Variants in EYS observed in about 807,000 individuals in gnomAD.
EYS encodes EGF-like photoreceptor maintenance factor, also known as protein eyes shut homolog.
A neutral mutation model predicts 282.1 loss-of-function variants in EYS; 250 were observed. The ratio of observed to expected loss-of-function variants is 0.89; its 90% CI spans 0.80 to 0.98. EYS has a LOEUF of 0.98. Among genes scored for constraint, EYS ranks in the 50% least tolerant of loss-of-function variants. The probability of loss-of-function intolerance (pLI) is 0.00; values close to 1 mark genes in which losing one functional copy is unlikely to be tolerated. For missense variants in EYS, 4,016 were observed against 3,709.0 expected, an observed-to-expected ratio of 1.08 and a Z score of -2.15; for synonymous variants, 1,355 against 1,282.9, an observed-to-expected ratio of 1.06 and a Z score of -1.20.
chr6:65,346,237 G>C (rs555131187), intron 9 of EYS, among the ~76,000 whole-genome samples: 1 of 151,512 alleles, frequency 6.6e-6, no homozygotes, highest in African/African-American at 2.4e-5. Flanking sequence ...GTTCCTCTCC[G>C]TTAAATATGA....
intron 2 of EYS, among the ~76,000 whole-genome samples, chr6:65,558,097 A>T (rs1486009436): frequency 6.6e-6 from 1 of 152,128 alleles, no homozygotes; most frequent in Non-Finnish European, 1.5e-5. Context: ...TCTTGCTTGA[A>T]GGTGGGGTTT....
intron 1 of EYS, among the ~76,000 whole-genome samples, chr6:65,704,599 A>C (rs1267768395): frequency 2.6e-5 from 4 of 152,214 alleles, no homozygotes; most frequent in Non-Finnish European, 5.9e-5. Flanking sequence ...TACATTTATA[A>C]CTTAATATTC....
intron 18 of EYS, among the ~76,000 whole-genome samples, chr6:64,887,649 C>T (rs962683499): frequency 6.6e-6 from 1 of 151,994 alleles, no homozygotes; most frequent in African/African-American, 2.4e-5. Flanking sequence ...TTTATAACCA[C>T]AGAAGTCTAA....
intron 26 of EYS, among the ~76,000 whole-genome samples, chr6:64,443,143 T>C (rs184288410): frequency 8.3e-4 from 126 of 152,314 alleles, no homozygotes; most frequent in African/African-American, 2.9e-3. Flanking sequence ...ACTTCTTGCA[T>C]CAGTGTGACT....
intron 33 of EYS, among the ~76,000 whole-genome samples, chr6:64,027,616 G>A (rs1769593206): frequency 6.6e-6 from 1 of 152,168 alleles, no homozygotes; most frequent in African/African-American, 2.4e-5. Flanking sequence ...GACAGAAAAT[G>A]GAGCAGGCCA....
At chr6:65,178,429 C>A (rs1168217639) in intron 12 of EYS, among the ~76,000 whole-genome samples, 2 of 151,812 alleles carry the variant, frequency 1.3e-5, no homozygotes, top group African/African-American at 4.8e-5. Context: ...GGGGTGGAGA[C>A]AAGATGGACG....
rs1562132488 is a variant in EYS at position 63,984,491 on chromosome 6, T to C, written c.6947A>G (p.Asn2316Ser). 1.3e-6 allele frequency: 2 copies of C among 1,549,748 alleles called. No individual in the cohort carries two copies. Among genetic ancestry groups the C allele is most frequent in the Non-Finnish European group, 1.7e-6 (2 of 1,145,534 alleles). The stretch of plus-strand genomic sequence containing the variant: ...TTCATCGATGATGAAGAATTCTTTG[T>C]TGTTTACTTGAAGGTCTAGAATGCA... ...RGCILDLQVN[N>S]KEFFIIDEAR... Residue 2316 changes from asparagine to serine, a missense_variant, in exon 35 of 43, where the codon AAC becomes AGC. Transcript: ENST00000503581.
chr6:64,316,493 A>G (rs890113930), intron 29 of EYS, among the ~76,000 whole-genome samples: 3 of 152,140 alleles, frequency 2.0e-5, no homozygotes, highest in African/African-American at 7.2e-5. Context: ...ATACCTAGGA[A>G]TACAACTTAC....
At chr6:65,499,025 A>G (rs1389531478) in intron 2 of EYS, among the ~76,000 whole-genome samples, 2 of 152,038 alleles carry the variant, frequency 1.3e-5, no homozygotes, top group Non-Finnish European at 2.9e-5. Context: ...AGCATTTCAC[A>G]TAATTACAAC....
chr6:64,163,257 T>G (rs1440462005), intron 31 of EYS, among the ~76,000 whole-genome samples: 1 of 152,118 alleles, frequency 6.6e-6, no homozygotes, highest in Non-Finnish European at 1.5e-5. Flanking sequence ...ATAATATTAT[T>G]TTTTCTTCTA....
At chr6:65,643,524 T>C (rs1457245190) in intron 1 of EYS, among the ~76,000 whole-genome samples, 1 of 152,140 alleles carries the variant, frequency 6.6e-6, no homozygotes, top group Non-Finnish European at 1.5e-5. Flanking sequence ...GAAACCTGAA[T>C]ACTTAACCAG....
intron 12 of EYS, among the ~76,000 whole-genome samples, chr6:65,104,406 C>T (rs1774975747): frequency 2.6e-5 from 4 of 151,408 alleles, no homozygotes; most frequent in Non-Finnish European, 5.9e-5. Flanking sequence ...AACTTCATTG[C>T]AAACCTCATA....
At chr6:63,990,913 G>A (rs1279538246) in intron 34 of EYS, among the ~76,000 whole-genome samples, 3 of 151,630 alleles carry the variant, frequency 2.0e-5, no homozygotes, top group Non-Finnish European at 4.4e-5. Flanking sequence ...GAGGGAGTGG[G>A]TGAAAGAGTG....
chr6:64,998,019 C>T (rs1366387664), intron 13 of EYS, among the ~76,000 whole-genome samples: 1 of 152,054 alleles, frequency 6.6e-6, no homozygotes, highest in Non-Finnish European at 1.5e-5. Context: ...TGGCAGTACA[C>T]AATATATATG....
At chr6:64,492,711 G>A (rs1451255007) in intron 26 of EYS, among the ~76,000 whole-genome samples, 1 of 151,330 alleles carries the variant, frequency 6.6e-6, no homozygotes, top group Non-Finnish European at 1.5e-5. Flanking sequence ...TGGAATGGAG[G>A]ATTAAAAATG....
intron 7 of EYS, among the ~76,000 whole-genome samples, chr6:65,386,573 A>G (rs1246579852): frequency 6.6e-6 from 1 of 151,974 alleles, no homozygotes; most frequent in Non-Finnish European, 1.5e-5. Context: ...AGAAAGTTTC[A>G]ATAGTAGCCT....
intron 12 of EYS, among the ~76,000 whole-genome samples, chr6:65,149,119 T>A (rs1764551232): frequency 6.6e-6 from 1 of 152,154 alleles, no homozygotes; most frequent in Non-Finnish European, 1.5e-5. Flanking sequence ...AACATTCTGT[T>A]CTGTTTTACA....
In EYS at chr6:65,334,997, A is replaced by G. The variant is rs1235629295; in HGVS notation, c.1749T>C (p.Asp583=). The change falls in exon 11 of 43, where the codon GAT becomes GAC. Residue 583 remains aspartate (D), a synonymous_variant. Coordinates refer to ENST00000503581, the MANE Select transcript of EYS (RefSeq NM_001142800.2). ...NECQHEAVCK[D]EINRPRCSCS... ...ATAAATACCTGGGTCTATTAATTTC[A>G]TCTTTACAAACAGCTTCATGTTGAC... 1.9e-6 allele frequency: 3 copies of G among 1,609,688 alleles called. No homozygotes were observed. Among genetic ancestry groups the G allele is most frequent in the Non-Finnish European group, 2.5e-6 (3 of 1,177,318 alleles).
chr6:64,305,900 AAAG>A (rs745334219), intron 30 of EYS, among the ~76,000 whole-genome samples: 8 of 152,222 alleles, frequency 5.3e-5, no homozygotes, highest in Non-Finnish European at 8.8e-5. Context: ...TGAAAACTAA[AAAG>A]AAATTGTGCA....
Sources: gnomAD v4.1 joint callset for allele counts (sites outside exome capture counted in the v4.1 genomes callset) on GRCh38, gnomAD v4.1.1 for gene constraint, MANE v1.5 for transcripts, NCBI Gene and HGNC (gene_info 2026-07-23, HGNC 2026-07-21) for gene names.